Variants in HLX observed in about 807,000 individuals in gnomAD.
HLX encodes H2.0 like homeobox, also known as H2.0-like homeobox protein.
HLX carries 6 observed loss-of-function variants against 27.7 expected under a neutral mutation model. That is an observed-to-expected ratio of 0.22 (90% CI 0.12 to 0.43). The LOEUF is 0.43. Ranked by LOEUF, HLX falls within the 20% of genes least tolerant of loss-of-function variation. The pLI, the probability that HLX is intolerant of heterozygous loss-of-function variation, is 1.00. For synonymous variants in HLX, 328 were observed against 293.8 expected (o/e 1.12, Z -1.19); for missense variants, 666 against 655.2 (o/e 1.02, Z -0.18).
In HLX at chr1:220,884,185, C is replaced by A. The variant is rs759582112; in HGVS notation, c.958-10C>A. 5 of 1,613,628 alleles carry A rather than the reference C, an allele frequency of 3.1e-6. No homozygotes were observed. Among genetic ancestry groups the A allele is most frequent in the Non-Finnish European group, 4.2e-6 (5 of 1,179,868 alleles). ...TGTCTCTTCTTGTCTCCCGGTGTGG[C>A]GCGGCGCAGGTGAAGGTGTGGTTCC... On this transcript the variant is annotated splice_polypyrimidine_tract_variant and intron_variant, in intron 3 of 3. Transcript: ENST00000366903. The surrounding 1 kb of genome is among the most constrained non-coding windows in gnomAD (Gnocchi z 4.9).
chr1:220,884,529 G>A lies in HLX; in HGVS notation c.1292G>A (p.Gly431Asp), dbSNP rs1674526660. ...AGTGGTGGGAGCAGCGGCGGCGGCG[G>A]CAATAGTTTCAGCTTCAGCAGCGCC... ...AGSGGSSGGGGNSFSFSSASS... is the reference protein window; with the variant it reads ...AGSGGSSGGGDNSFSFSSASS... The change falls in exon 4 of 4, where the codon GGC (glycine) becomes GAC (aspartate). Residue 431 changes from glycine to aspartate, a missense_variant. By Grantham distance (94) the Gly-to-Asp change is moderately conservative. Transcript: ENST00000366903. This position sits in a 1 kb window ranked among gnomAD's most constrained non-coding sequence, Gnocchi z 4.9. The A allele has an allele frequency of 6.2e-7, 1 of 1,610,314 alleles. No homozygotes were observed. The highest frequency in any genetic ancestry group is 1.3e-5 in the African/African-American group (1 of 74,790).
In HLX at chr1:220,881,059, CAGCGCCTAGA is replaced by C. The variant is rs1674424254; in HGVS notation, c.593-134_593-125del. On this transcript the variant is annotated intron_variant, in intron 1 of 3. Transcript: ENST00000366903. ...GGCAACTGTTGGGAGAGAGAGGTTTCAGCGCCTAGACGGGTTCTCTCTTGACTTCGCTCAA... is the reference window on the plus strand; with the variant it reads ...GGCAACTGTTGGGAGAGAGAGGTTTCCGGGTTCTCTCTTGACTTCGCTCAA... 7.5e-6 allele frequency: 6 copies of C among 804,706 alleles called. No homozygotes were observed. In the Admixed American group the frequency reaches 9.4e-5, roughly 13 times the overall value. The allele number at this position is 804,706 out of a possible 1,614,324, so 49.8% of individuals were successfully genotyped here.
At chr1:220,882,478 A>T in intron 3 of HLX, 130 bp downstream of exon 3, 1 of 809,682 alleles carries the variant, frequency 1.2e-6, no homozygotes, top group Non-Finnish European at 2.0e-6. Flanking sequence ...GACTTTCAAG[A>T]GGCTTTGTGG....
chr1:220,879,857 G>A lies in HLX; in HGVS notation c.-1G>A. 3 of 1,575,012 alleles carry A rather than the reference G, an allele frequency of 1.9e-6. No individual in the cohort carries two copies. The highest frequency in any genetic ancestry group is 2.6e-6 in the Non-Finnish European group (3 of 1,168,090). On this transcript the variant is annotated 5_prime_UTR_variant, in exon 1 of 4. Coordinates refer to ENST00000366903, the MANE Select transcript of HLX (RefSeq NM_021958.4). Reference sequence around the variant, plus strand: ...GCAGCCGCGCGGCTCACCCCGGCAGGATGTTCGCAGCCGGGCTGGCTCCCT... The same window carrying A: ...GCAGCCGCGCGGCTCACCCCGGCAGAATGTTCGCAGCCGGGCTGGCTCCCT...
At position 220,884,320 on chromosome 1, in the gene HLX, G is replaced by A. The variant is rs3738182; in HGVS notation, c.1083G>A (p.Glu361=). ...PSGGAPAADG[E]QDERSPSRSE... ...GTGGAGCCCCGGCTGCGGATGGCGA[G>A]CAGGACGAGAGGAGCCCCAGCCGTT... The change falls in exon 4 of 4, where the codon GAG becomes GAA. Residue 361 remains glutamate (E), a synonymous_variant. Coordinates refer to ENST00000366903, the MANE Select transcript of HLX (RefSeq NM_021958.4). The surrounding 1 kb of genome is among the most constrained non-coding windows in gnomAD (Gnocchi z 4.9). 0.19 allele frequency: 310,516 copies of A among 1,613,072 alleles called. 30,795 individuals carry two copies. The highest frequency in any genetic ancestry group is 0.24 in the African/African-American group (17,747 of 74,934).
intron 2 of HLX, 64 bp from the exon 3 acceptor site, chr1:220,882,100 G>A: frequency 6.6e-7 from 1 of 1,509,822 alleles, no homozygotes; most frequent in Non-Finnish European, 9.2e-7. Flanking sequence ...AGGCTGGCAG[G>A]TCAAGGACTG....
At chr1:220,882,371 G>A (rs1484138955) in intron 3 of HLX, 23 bp downstream of exon 3, 1 of 1,611,688 alleles carries the variant, frequency 6.2e-7, no homozygotes. Flanking sequence ...TGGCTCCAGC[G>A]CACAGCGCCC....
chr1:220,881,858 AT>A, intron 2 of HLX: 2 of 443,922 alleles, frequency 4.5e-6, no homozygotes, highest in Non-Finnish European at 8.4e-6. Flanking sequence ...CCCAAGGGAC[AT>A]TTTTGTCTAC....
intron 3 of HLX, 134 bp downstream of exon 3, chr1:220,882,482 T>C: frequency 1.3e-6 from 1 of 762,484 alleles, no homozygotes; most frequent in Non-Finnish European, 2.2e-6. Context: ...TTCAAGAGGC[T>C]TTGTGGACTA....
In HLX at chr1:220,882,226, T is replaced by G. The variant is rs759181908; in HGVS notation, c.835T>G (p.Ser279Ala). 8 of 1,614,166 alleles carry G rather than the reference T, an allele frequency of 5.0e-6. No homozygotes were observed. Among genetic ancestry groups the G allele is most frequent in the Non-Finnish European group, 5.9e-6 (7 of 1,180,014 alleles). ...PQTYKRKRSWSRAVFSNLQRK... is the reference protein window; with the variant it reads ...PQTYKRKRSWARAVFSNLQRK... ...GACGTACAAAAGGAAGCGTTCATGGTCGCGCGCTGTGTTCTCCAACCTGCA... is the reference window on the plus strand; with the variant it reads ...GACGTACAAAAGGAAGCGTTCATGGGCGCGCGCTGTGTTCTCCAACCTGCA... The change falls in exon 3 of 4, where the codon TCG (serine) becomes GCG (alanine). Residue 279 changes from serine (S) to alanine (A), a missense_variant. Physicochemically the swap from Ser to Ala is moderately conservative, Grantham distance 99 (BLOSUM62 1). Coordinates refer to ENST00000366903, the MANE Select transcript of HLX (RefSeq NM_021958.4).
In HLX at chr1:220,881,296, A is replaced by T. The variant is rs564784174; in HGVS notation, c.695A>T (p.Glu232Val). 6.2e-7 allele frequency: 1 copy of T among 1,614,072 alleles called. No individual in the cohort carries two copies. The highest frequency in any genetic ancestry group is 1.1e-5 in the South Asian group (1 of 91,086). The change falls in exon 2 of 4, where the codon GAG (glutamate) becomes GTG (valine). Residue 232 changes from glutamate to valine, a missense_variant. Transcript: ENST00000366903. Reference protein sequence around the residue: ...QFFASLDPINEASAILSPLNS... With the variant: ...QFFASLDPINVASAILSPLNS... ...TTCGCATCTCTAGATCCCATTAACG[A>T]GGCTTCTGCAATCCTGAGTCCCTTA...
In HLX at chr1:220,881,161, A is replaced by T. The variant is rs202033392; in HGVS notation, c.593-33A>T. The T allele has an allele frequency of 1.5e-5, 24 of 1,595,668 alleles. No individual in the cohort carries two copies. In the African/African-American group the frequency reaches 3.2e-4, roughly 21 times the overall value. On this transcript the variant is annotated intron_variant, in intron 1 of 3. Coordinates refer to ENST00000366903, the MANE Select transcript of HLX (RefSeq NM_021958.4). ...AGCGGAGAGTGTGAGTGTGCCCGAG[A>T]TGTAACCTGCTATCCTTTTCCCTTG...
Position 220,884,078 on chromosome 1 carries a change from A to G in HLX, c.958-117A>G. The G allele has an allele frequency of 9.4e-7, 1 of 1,063,604 alleles. No individual in the cohort carries two copies. Among genetic ancestry groups the G allele is most frequent in the South Asian group, 1.3e-5 (1 of 74,620 alleles). 65.9% of individuals were successfully genotyped at this position (1,063,604 alleles called of 1,614,324 possible). ...TGTCTGGTCCTTGGTAGAGTCGCCA[A>G]GTAAGCGTTGCTTTTTCACTCAGGG... On this transcript the variant is annotated intron_variant, in intron 3 of 3. Transcript: ENST00000366903. This position sits in a 1 kb window ranked among gnomAD's most constrained non-coding sequence, Gnocchi z 4.9.
At position 220,884,346 on chromosome 1, in the gene HLX, C is replaced by T. The variant is rs539584388; in HGVS notation, c.1109C>T (p.Ser370Phe). The change falls in exon 4 of 4, where the codon TCT becomes TTT. Residue 370 changes from serine (S) to phenylalanine (F), a missense_variant. Ser to Phe is a radical substitution (Grantham distance 155). Transcript: ENST00000366903. This position sits in a 1 kb window ranked among gnomAD's most constrained non-coding sequence, Gnocchi z 4.9. The stretch of plus-strand genomic sequence containing the variant: ...CAGGACGAGAGGAGCCCCAGCCGTT[C>T]TGAAGGCGAGGCTGAGAGCGAGAGC... Reference protein sequence around the residue: ...GEQDERSPSRSEGEAESESSD... With the variant: ...GEQDERSPSRFEGEAESESSD... 63 of 1,614,092 alleles carry T rather than the reference C, an allele frequency of 3.9e-5. No individual in the cohort carries two copies. Among genetic ancestry groups the T allele is most frequent in the Admixed American group, 5.0e-5 (3 of 60,020 alleles).
chr1:220,881,514 G>A, intron 2 of HLX, 141 bp downstream of exon 2: 2 of 783,534 alleles, frequency 2.6e-6, no homozygotes, highest in African/African-American at 1.7e-5. Context: ...GAGAGAAACC[G>A]AAAGATTTCT....
Position 220,884,498 on chromosome 1 carries a change from G to C in HLX, c.1261G>C (p.Ala421Pro), listed in dbSNP as rs749601568. 2 of 1,613,892 alleles carry C rather than the reference G, an allele frequency of 1.2e-6. No homozygotes were observed. Among genetic ancestry groups the C allele is most frequent in the African/African-American group, 1.3e-5 (1 of 74,914 alleles). Residue 421 changes from alanine to proline, a missense_variant, in exon 4 of 4, where the codon GCT (alanine) becomes CCT (proline). Transcript: ENST00000366903. This position sits in a 1 kb window ranked among gnomAD's most constrained non-coding sequence, Gnocchi z 4.9. ...TGGCGCCCTCATTACCGCCAGCAGT[G>C]CTGGGAGTGGTGGGAGCAGCGGCGG... is the stretch of plus-strand genomic sequence containing the variant. ...VTGALITASS[A>P]GSGGSSGGGG... is the part of the protein sequence containing the mutation.
In HLX at chr1:220,881,198, C is replaced by T; in HGVS notation, c.597C>T (p.Leu199=). ...ATCCTTTTCCCTTGTCCCCAGATCTCACTTCCCTGCTAACCGGTGGGCGGC... is the reference window on the plus strand; with the variant it reads ...ATCCTTTTCCCTTGTCCCCAGATCTTACTTCCCTGCTAACCGGTGGGCGGC... ...KVKEGNTLRD[L]TSLLTGGRPA... The change falls in exon 2 of 4, where the codon CTC becomes CTT. Residue 199 remains leucine, a synonymous_variant. Transcript: ENST00000366903. 6.2e-7 allele frequency: 1 copy of T among 1,613,806 alleles called. No homozygotes were observed. The highest frequency in any genetic ancestry group is 8.5e-7 in the Non-Finnish European group (1 of 1,179,694).
Position 220,884,327 on chromosome 1 carries a change from G to C in HLX, c.1090G>C (p.Glu364Gln). ...CCCGGCTGCGGATGGCGAGCAGGACGAGAGGAGCCCCAGCCGTTCTGAAGG... is the reference window on the plus strand; with the variant it reads ...CCCGGCTGCGGATGGCGAGCAGGACCAGAGGAGCCCCAGCCGTTCTGAAGG... ...GAPAADGEQD[E>Q]RSPSRSEGEA... is the part of the protein sequence containing the mutation. Residue 364 changes from glutamate (E) to glutamine (Q), a missense_variant, in exon 4 of 4, where the codon GAG becomes CAG. Physicochemically the swap from Glu to Gln is conservative, Grantham distance 29. Transcript: ENST00000366903. The surrounding 1 kb of genome is among the most constrained non-coding windows in gnomAD (Gnocchi z 4.9). The C allele has an allele frequency of 6.2e-7, 1 of 1,613,838 alleles. No homozygotes were observed. The highest frequency in any genetic ancestry group is 8.5e-7 in the Non-Finnish European group (1 of 1,179,934).
At position 220,884,280 on chromosome 1, in the gene HLX, G is replaced by C. The variant is rs1469745854; in HGVS notation, c.1043G>C (p.Gly348Ala). The change falls in exon 4 of 4, where the codon GGC becomes GCC. Residue 348 changes from glycine (G) to alanine (A), a missense_variant. Transcript: ENST00000366903. This position sits in a 1 kb window ranked among gnomAD's most constrained non-coding sequence, Gnocchi z 4.9. ...QAQKDKDKEA[G>A]EKPSGGAPAA... The stretch of plus-strand genomic sequence containing the variant: ...CAAAAGGACAAGGACAAGGAGGCTG[G>C]CGAGAAGCCATCAGGTGGAGCCCCG... 2.0e-5 allele frequency: 33 copies of C among 1,613,898 alleles called. No homozygotes were observed. The highest frequency in any genetic ancestry group is 2.8e-5 in the Non-Finnish European group (33 of 1,179,980).
Sources: gnomAD v4.1 joint callset for allele counts on GRCh38, gnomAD v4.1.1 for gene constraint, Gnocchi (gnomAD v3.1) non-coding constraint, MANE v1.5 for transcripts, NCBI Gene and HGNC (gene_info 2026-07-23, HGNC 2026-07-21) for gene names.